TENM3: variants seen among roughly 807,000 people sequenced by gnomAD.
TENM3 encodes teneurin transmembrane protein 3, also known as teneurin-3.
Under a neutral mutation model 255.1 loss-of-function variants are expected in TENM3, and 63 were observed. That is an observed-to-expected ratio of 0.25 (90% CI 0.20 to 0.30). TENM3 has a LOEUF of 0.30. Among genes scored for constraint, TENM3 ranks in the 10% least tolerant of loss-of-function variants. TENM3 has a pLI of 1.00. For synonymous variants in TENM3, 1,306 were observed against 1,322.3 expected (o/e 0.99, Z 0.27); for missense variants, 2,929 against 3,461.1 (o/e 0.85, Z 3.86).
chr4:182,696,395 A>G (rs912443878), intron 12 of TENM3, among the ~76,000 whole-genome samples: 10 of 152,208 alleles, frequency 6.6e-5, no homozygotes, highest in African/African-American at 1.2e-4. Flanking sequence ...AAAATATAGG[A>G]AAAATGTTCA....
At chr4:182,310,234 TA>T (rs1163078271) in intron 1 of TENM3, among the ~76,000 whole-genome samples, 1 of 152,210 alleles carries the variant, frequency 6.6e-6, no homozygotes, top group Non-Finnish European at 1.5e-5. Flanking sequence ...TTTATTTATT[TA>T]TTTTTAATTG....
At chr4:182,278,047 C>T (rs1177769940) in intron 1 of TENM3, among the ~76,000 whole-genome samples, 1 of 152,140 alleles carries the variant, frequency 6.6e-6, no homozygotes, top group African/African-American at 2.4e-5. Flanking sequence ...CAGACCAGAA[C>T]TGAGAAGTAA....
At chr4:182,313,516 CAT>C (rs1301976730) in intron 1 of TENM3, among the ~76,000 whole-genome samples, 3 of 151,904 alleles carry the variant, frequency 2.0e-5, no homozygotes, top group African/African-American at 7.3e-5. Flanking sequence ...TATATACACA[CAT>C]GTTCATATAT....
intron 3 of TENM3, among the ~76,000 whole-genome samples, chr4:182,428,219 G>A (rs534924168): frequency 6.6e-6 from 1 of 152,228 alleles, no homozygotes; most frequent in African/African-American, 2.4e-5. Context: ...GGTTACTTAA[G>A]TGATAAGGAA....
the TENM3 span, among the ~76,000 whole-genome samples, chr4:181,844,623 A>C: frequency 2.6e-5 from 4 of 151,900 alleles, no homozygotes; most frequent in Non-Finnish European, 5.9e-5. Context: ...AGCTGAGATC[A>C]CACCACTGCA....
At chr4:181,548,634 C>G in the TENM3 span, among the ~76,000 whole-genome samples, 1 of 152,000 alleles carries the variant, frequency 6.6e-6, no homozygotes, top group African/African-American at 2.4e-5. Context: ...CTCTCCCAAG[C>G]AAAAGATTAA....
At chr4:181,986,064 T>A in the TENM3 span, among the ~76,000 whole-genome samples, 3 of 152,096 alleles carry the variant, frequency 2.0e-5, no homozygotes, top group African/African-American at 7.2e-5. Context: ...AGGGCTCTAG[T>A]TGGCTGAACG....
At chr4:181,715,338 G>A in the TENM3 span, among the ~76,000 whole-genome samples, 1 of 152,178 alleles carries the variant, frequency 6.6e-6, no homozygotes, top group African/African-American at 2.4e-5. Context: ...TAGTACTGCA[G>A]TGAATAGCCT....
chr4:182,128,096 T>G, the TENM3 span, among the ~76,000 whole-genome samples: 3 of 152,112 alleles, frequency 2.0e-5, no homozygotes, highest in Non-Finnish European at 2.9e-5. Context: ...CCAAATAATA[T>G]TATTAATGAT....
At position 182,715,168 on chromosome 4, in the gene TENM3, C is replaced by A. The variant is rs569520788; in HGVS notation, c.2368+935C>A. On this transcript the variant is annotated intron_variant, in intron 13 of 27. Transcript: ENST00000511685. ...AAAGTGCTGGGATTACAGGCGTGAG[C>A]CACCGCACCCAGCCAGCTGTTCAGT... Among the ~76,000 whole-genome samples, 3 of 152,344 alleles carry A rather than the reference C, an allele frequency of 2.0e-5. No individual in the cohort carries two copies. In the East Asian group the frequency reaches 5.8e-4, roughly 29 times the overall value.
intron 2 of TENM3, among the ~76,000 whole-genome samples, chr4:182,333,450 C>G (rs1286954695): frequency 6.6e-6 from 1 of 152,030 alleles, no homozygotes; most frequent in Non-Finnish European, 1.5e-5. Flanking sequence ...AATCTACTAA[C>G]ATAATTAGAT....
At chr4:181,642,282 T>A in the TENM3 span, among the ~76,000 whole-genome samples, 1 of 152,170 alleles carries the variant, frequency 6.6e-6, no homozygotes, top group East Asian at 1.9e-4. Context: ...TCAAGAAGTG[T>A]CTGTTCATAT....
At chr4:181,965,444 A>G in the TENM3 span, among the ~76,000 whole-genome samples, 2 of 152,158 alleles carry the variant, frequency 1.3e-5, no homozygotes, top group African/African-American at 4.8e-5. Context: ...TTTATTATCT[A>G]TTTACTGCTG....
At chr4:182,525,527 T>A (rs1348065575) in intron 3 of TENM3, among the ~76,000 whole-genome samples, 1 of 152,232 alleles carries the variant, frequency 6.6e-6, no homozygotes, top group African/African-American at 2.4e-5. Context: ...TTTATACTTT[T>A]CAAAAAATCC....
At chr4:182,130,657 A>T in the TENM3 span, among the ~76,000 whole-genome samples, 1 of 151,418 alleles carries the variant, frequency 6.6e-6, no homozygotes, top group Non-Finnish European at 1.5e-5. Flanking sequence ...ACAAGAAGAA[A>T]AGAACCATTT....
the TENM3 span, among the ~76,000 whole-genome samples, chr4:181,951,156 A>G: frequency 6.6e-6 from 1 of 152,196 alleles, no homozygotes; most frequent in Non-Finnish European, 1.5e-5. Context: ...TTAATTTCCC[A>G]CATTGGATGC....
chr4:181,938,101 A>C, the TENM3 span, among the ~76,000 whole-genome samples: 1 of 152,226 alleles, frequency 6.6e-6, no homozygotes, highest in Non-Finnish European at 1.5e-5. Context: ...GTAGATCTTA[A>C]TGTGGAACTA....
chr4:182,008,850 T>C, the TENM3 span, among the ~76,000 whole-genome samples: 1 of 152,118 alleles, frequency 6.6e-6, no homozygotes. Flanking sequence ...TTTCTCATCT[T>C]TGTGAGTTTG....
chr4:181,587,670 A>G, the TENM3 span, among the ~76,000 whole-genome samples: 59 of 152,300 alleles, frequency 3.9e-4, no homozygotes, highest in African/African-American at 1.4e-3. Flanking sequence ...CAGAAGCTCT[A>G]CTGCCCTCAA....
Sources: gnomAD v4.1 joint callset for allele counts (sites outside exome capture counted in the v4.1 genomes callset) on GRCh38, gnomAD v4.1.1 for gene constraint, MANE v1.5 for transcripts, NCBI Gene and HGNC (gene_info 2026-07-23, HGNC 2026-07-21) for gene names.